TIGAR: variants seen among roughly 807,000 people sequenced by gnomAD.
TIGAR encodes fructose-2,6-bisphosphatase TIGAR.
TIGAR carries 7 observed loss-of-function variants against 17.9 expected under a neutral mutation model. The ratio of observed to expected loss-of-function variants is 0.39; its 90% CI spans 0.22 to 0.73. TIGAR has a LOEUF of 0.73. Among genes scored for constraint, TIGAR ranks in the 30% least tolerant of loss-of-function variants. The probability of loss-of-function intolerance (pLI) is 0.42; values close to 1 mark genes in which losing one functional copy is unlikely to be tolerated. For synonymous variants in TIGAR, 94 were observed against 108.6 expected, an observed-to-expected ratio of 0.87 and a Z score of 0.84; for missense variants, 258 against 327.4, an observed-to-expected ratio of 0.79 and a Z score of 1.64.
At position 4,351,295 on chromosome 12, in the gene TIGAR, T is replaced by TA; in HGVS notation, c.301dup (p.Ser101LysfsTer2). ...TACGGGGTTGTAGAAGGCAAAGCGC[T>TA]AAGTGAGCTGAGGGCCATGGCCAAA... On this transcript the variant is annotated frameshift_variant, in exon 5 of 6. Coordinates refer to ENST00000179259, the MANE Select transcript of TIGAR (RefSeq NM_020375.3). LOFTEE classifies it high-confidence loss of function. The TA allele has an allele frequency of 6.2e-7, 1 of 1,614,182 alleles. No individual in the cohort carries two copies. The highest frequency in any genetic ancestry group is 8.5e-7 in the Non-Finnish European group (1 of 1,180,028).
In TIGAR at chr12:4,349,856, A is replaced by G; in HGVS notation, c.230A>G (p.Lys77Arg). Residue 77 changes from lysine (K) to arginine (R), a missense_variant, in exon 4 of 6, where the codon AAA becomes AGA. Transcript: ENST00000179259. Reference protein sequence around the residue: ...HGILERSKFCKDMTVKYDSRL... With the variant: ...HGILERSKFCRDMTVKYDSRL... ...ATTTTGGAGAGAAGCAAATTTTGCA[A>G]AGATATGACGGTAAAGTATGACTCA... is the stretch of plus-strand genomic sequence containing the variant. 1 of 1,581,684 alleles carries G rather than the reference A, an allele frequency of 6.3e-7. No homozygotes were observed. Among genetic ancestry groups the G allele is most frequent in the Non-Finnish European group, 8.6e-7 (1 of 1,168,646 alleles).
At chr12:4,335,210 T>A (rs777472357) in intron 2 of TIGAR, among the ~76,000 whole-genome samples, 5 of 152,148 alleles carry the variant, frequency 3.3e-5, no homozygotes, top group South Asian at 4.1e-4. Flanking sequence ...GCTAATTTTG[T>A]ATTTTTAGTA....
At chr12:4,337,395 G>T (rs1401388692) in intron 3 of TIGAR, among the ~76,000 whole-genome samples, 2 of 152,060 alleles carry the variant, frequency 1.3e-5, no homozygotes, top group Non-Finnish European at 2.9e-5. Flanking sequence ...CCTAACCTCA[G>T]GTGATCCACT....
intron 3 of TIGAR, among the ~76,000 whole-genome samples, chr12:4,345,544 C>G (rs1056187884): frequency 1.8e-4 from 28 of 152,204 alleles, no homozygotes; most frequent in Non-Finnish European, 3.7e-4. Flanking sequence ...GCTGGGAAAA[C>G]TGGCTAGCCA....
intron 3 of TIGAR, among the ~76,000 whole-genome samples, chr12:4,345,298 C>T (rs1194326466): frequency 6.6e-6 from 1 of 152,186 alleles, no homozygotes; most frequent in East Asian, 1.9e-4. Flanking sequence ...CCCACATTGC[C>T]AAGTCAATCC....
At chr12:4,331,178 T>A in intron 1 of TIGAR, 102 bp from the exon 2 acceptor site, 1 of 993,702 alleles carries the variant, frequency 1.0e-6, no homozygotes, top group Non-Finnish European at 1.6e-6. Context: ...AAGTTTCACA[T>A]GATATTTTTA....
intron 2 of TIGAR, among the ~76,000 whole-genome samples, chr12:4,336,292 A>G (rs374892948): frequency 2.0e-5 from 3 of 152,266 alleles, no homozygotes; most frequent in East Asian, 3.9e-4. Flanking sequence ...CGTCCCCTCC[A>G]GCAGGCCTCC....
At chr12:4,322,022 G>A (rs1048555934) in intron 1 of TIGAR, among the ~76,000 whole-genome samples, 5 of 151,822 alleles carry the variant, frequency 3.3e-5, no homozygotes, top group Middle Eastern at 3.4e-3. Context: ...GTGAGATGGA[G>A]CCTCGCTCTG....
At chr12:4,338,000 G>A (rs141530717) in intron 3 of TIGAR, among the ~76,000 whole-genome samples, 33 of 152,154 alleles carry the variant, frequency 2.2e-4, no homozygotes, top group East Asian at 5.8e-4. Context: ...GTGTGGTGGC[G>A]TGCACCTTAA....
At chr12:4,350,219 AT>A in intron 4 of TIGAR, among the ~76,000 whole-genome samples, 1 of 152,346 alleles carries the variant, frequency 6.6e-6, no homozygotes, top group South Asian at 2.1e-4. Context: ...GGAAAGCTAG[AT>A]TTTCACTAGA....
intron 2 of TIGAR, among the ~76,000 whole-genome samples, chr12:4,333,501 A>T (rs1370243168): frequency 1.4e-5 from 2 of 148,110 alleles, no homozygotes; most frequent in African/African-American, 5.0e-5. Context: ...ACGGAGTCTC[A>T]CTCTGTTGCC....
Position 4,351,473 on chromosome 12 carries a change from T to TA in TIGAR, c.381+96_381+97insA. The TA allele has an allele frequency of 5.6e-6, 5 of 891,558 alleles. No homozygotes were observed. In the South Asian group the frequency reaches 7.8e-5, roughly 14 times the overall value. The allele number at this position is 891,558 out of a possible 1,614,324, so 55.2% of individuals were successfully genotyped here. A position where few individuals can be genotyped will look rare whatever the true frequency, so the allele number is the denominator to read the frequency against. Reference sequence around the variant, plus strand: ...AGCAGTTTGAAAGTTGCTTGGTTCATTCTCTTTTCCATTTTAAATTATCTA... The same window carrying TA: ...AGCAGTTTGAAAGTTGCTTGGTTCATATCTCTTTTCCATTTTAAATTATCTA... On this transcript the variant is annotated intron_variant, in intron 5 of 5. Transcript: ENST00000179259.
intron 3 of TIGAR, among the ~76,000 whole-genome samples, chr12:4,345,269 A>G: frequency 6.6e-6 from 1 of 152,244 alleles, no homozygotes; most frequent in Non-Finnish European, 1.5e-5. Flanking sequence ...TTTAAAGTTC[A>G]TATGGAACCA....
intron 2 of TIGAR, 46 bp from the exon 3 acceptor site, chr12:4,336,993 A>T: frequency 6.5e-7 from 1 of 1,531,274 alleles, no homozygotes. Context: ...TACATCTCTG[A>T]TATGTAGTTT....
intron 4 of TIGAR, 66 bp downstream of exon 4, chr12:4,349,962 T>C (rs942752754): frequency 2.5e-6 from 3 of 1,178,168 alleles, no homozygotes; most frequent in Non-Finnish European, 3.6e-6. Context: ...AGTTTGTCAC[T>C]TGGCTAAAAG....
intron 2 of TIGAR, among the ~76,000 whole-genome samples, chr12:4,334,478 T>C (rs994432590): frequency 1.3e-5 from 2 of 152,222 alleles, no homozygotes; most frequent in African/African-American, 4.8e-5. Context: ...ACATTTACTC[T>C]GACAATACCT....
intron 4 of TIGAR, among the ~76,000 whole-genome samples, chr12:4,350,376 C>T (rs1864825202): frequency 6.6e-6 from 1 of 152,152 alleles, no homozygotes; most frequent in South Asian, 2.1e-4. Context: ...TCCAGAAAAC[C>T]TGTGCCAATT....
intron 2 of TIGAR, among the ~76,000 whole-genome samples, chr12:4,336,446 G>GCACACACACACACACACACACACA (rs10595001): frequency 2.9e-5 from 4 of 138,468 alleles, no homozygotes; most frequent in African/African-American, 8.1e-5. Flanking sequence ...CAGCAATGCA[G>GCACACACACACACACACACACACA]CACACACACA....
At position 4,323,430 on chromosome 12, in the gene TIGAR, G is replaced by C. The variant is rs544535800; in HGVS notation, c.32+2127G>C. On this transcript the variant is annotated intron_variant, in intron 1 of 5. Transcript: ENST00000179259. ...GCTGCTTAAAAAGGGTTTGATTCCG[G>C]AGGCCCTCATAGGAATCATTTAAAA... 7.9e-5 allele frequency among the ~76,000 whole-genome samples: 12 copies of C among 152,266 alleles called. No homozygotes were observed. In the South Asian group the frequency reaches 2.5e-3, roughly 32 times the overall value.
Sources: allele counts gnomAD v4.1 joint callset (sites outside exome capture counted in the v4.1 genomes callset), GRCh38; gene constraint gnomAD v4.1.1; transcripts MANE v1.5; gene names NCBI Gene and HGNC (gene_info 2026-07-23, HGNC 2026-07-21).